The following GDF3 variants were observed in gnomAD, a reference collection of about 807,000 sequenced individuals.
GDF3 encodes the protein growth/differentiation factor 3.
GDF3 carries 10 observed loss-of-function variants against 10.2 expected under a neutral mutation model. That is an observed-to-expected ratio of 0.98 (90% CI 0.60 to 1.66). The LOEUF (loss-of-function observed/expected upper bound fraction) is 1.66. Among genes scored for constraint, GDF3 ranks in the 40% most tolerant of loss-of-function variants. The pLI is 0.00. For synonymous variants in GDF3, 166 were observed against 178.5 expected (o/e 0.93, Z 0.56); for missense variants, 450 against 438.3 (o/e 1.03, Z -0.24).
Position 7,695,703 on chromosome 12 carries a change from G to A in GDF3, c.26C>T (p.Ala9Val). 1 of 1,614,152 alleles carries A rather than the reference G, an allele frequency of 6.2e-7. No homozygotes were observed. Among genetic ancestry groups the A allele is most frequent in the Non-Finnish European group, 8.5e-7 (1 of 1,180,026 alleles). MLRFLPDL[A>V]FSFLLILALG... ...AGCCAGAATTAACAGGAAGCTGAAA[G>A]CCAAATCTGGCAAGAAACGAAGCAT... Residue 9 changes from alanine (A) to valine (V), a missense_variant, in exon 1 of 2, where the codon GCT becomes GTT. By Grantham distance (64) the Ala-to-Val change is moderately conservative. Coordinates refer to ENST00000329913, the MANE Select transcript of GDF3 (RefSeq NM_020634.3).
Position 7,690,264 on chromosome 12 carries a change from T to C in GDF3, c.709A>G (p.Thr237Ala), listed in dbSNP as rs934067367. The change falls in exon 2 of 2, where the codon ACT (threonine) becomes GCT (alanine). Residue 237 changes from threonine to alanine, a missense_variant. By Grantham distance (58) the Thr-to-Ala change is moderately conservative. Coordinates refer to ENST00000329913, the MANE Select transcript of GDF3 (RefSeq NM_020634.3). The part of the protein sequence containing the change: ...CSLHASLLVV[T>A]LNPDQCHPSR... ...GGGTGGCACTGATCAGGGTTGAGAG[T>C]CACCACCAGCAGGGAAGCATGAAGG... is the stretch of plus-strand genomic sequence containing the variant. The C allele has an allele frequency of 2.5e-6, 4 of 1,613,768 alleles. No individual in the cohort carries two copies. The highest frequency in any genetic ancestry group is 3.3e-5 in the Admixed American group (2 of 59,944).
chr12:7,690,803 G>A, intron 1 of GDF3, 99 bp from the exon 2 acceptor site: 1 of 736,878 alleles, frequency 1.4e-6, no homozygotes. Flanking sequence ...ACAATATAAG[G>A]GCAGGGAAAG....
chr12:7,690,705 C>T lies in GDF3; in HGVS notation c.269-1G>A. On this transcript the variant is annotated splice_acceptor_variant, in intron 1 of 1. Coordinates refer to ENST00000329913, the MANE Select transcript of GDF3 (RefSeq NM_020634.3). LOFTEE classifies it high-confidence loss of function. ...ATTTTCTTTGGGTAAAGAAAGAAAC[C>T]TAGATGGGAAAAGAGACATGTCAGA... 1.9e-6 allele frequency: 3 copies of T among 1,547,238 alleles called. No individual in the cohort carries two copies. Among genetic ancestry groups the T allele is most frequent in the African/African-American group, 1.4e-5 (1 of 73,674 alleles).
In GDF3 at chr12:7,689,971, C is replaced by G; in HGVS notation, c.1002G>C (p.Leu334=). Residue 334 remains leucine, a synonymous_variant, in exon 2 of 2, where the codon CTG becomes CTC. Transcript: ENST00000329913. ...CCTGGTAGAGCATGGAAATGGGAGA[C>G]AGCTTGGTGGGGATACACACAGCCT... The part of the protein sequence containing the change: ...IPQAVCIPTK[L]SPISMLYQDN... The G allele has an allele frequency of 6.2e-7, 1 of 1,613,864 alleles. No homozygotes were observed. The highest frequency in any genetic ancestry group is 8.5e-7 in the Non-Finnish European group (1 of 1,179,820).
chr12:7,690,510 C>T lies in GDF3; in HGVS notation c.463G>A (p.Val155Met), dbSNP rs749120756. 1 of 1,613,044 alleles carries T rather than the reference C, an allele frequency of 6.2e-7. No individual in the cohort carries two copies. Among genetic ancestry groups the T allele is most frequent in the East Asian group, 2.2e-5 (1 of 44,838 alleles). ...LALFLVQEPH[V>M]WGQTTPKPGK... ...GGCTTAGGGGTGGTCTGGCCCCACA[C>T]ATGAGGCTCCTGAACCAGGAACAGA... Residue 155 changes from valine to methionine, a missense_variant, in exon 2 of 2, where the codon GTG becomes ATG. Coordinates refer to ENST00000329913, the MANE Select transcript of GDF3 (RefSeq NM_020634.3).
At chr12:7,691,917 G>A (rs987027337) in intron 1 of GDF3, among the ~76,000 whole-genome samples, 13 of 151,936 alleles carry the variant, frequency 8.6e-5, no homozygotes, top group Admixed American at 3.3e-4. Flanking sequence ...TGAGGCAGGA[G>A]AATGGTGTGA....
chr12:7,690,157 G>C lies in GDF3; in HGVS notation c.816C>G (p.Asn272Lys), dbSNP rs1279864813. Reference protein sequence around the residue: ...NLCHRHQLFINFRDLGWHKWI... With the variant: ...NLCHRHQLFIKFRDLGWHKWI... ...ACTTGTGCCAACCCAGGTCCCGGAA[G>C]TTAATGAATAGCTGGTGACGGTGGC... The change falls in exon 2 of 2, where the codon AAC (asparagine) becomes AAG (lysine). Residue 272 changes from asparagine to lysine, a missense_variant. Asn to Lys is a moderately conservative substitution (Grantham distance 94). Transcript: ENST00000329913. The C allele has an allele frequency of 6.2e-7, 1 of 1,614,200 alleles. No homozygotes were observed. The highest frequency in any genetic ancestry group is 2.2e-5 in the East Asian group (1 of 44,878).
In GDF3 at chr12:7,689,921, C is replaced by T. The variant is rs373439841; in HGVS notation, c.1052G>A (p.Arg351Gln). The T allele has an allele frequency of 2.7e-5, 44 of 1,613,540 alleles. No individual in the cohort carries two copies. The highest frequency in any genetic ancestry group is 3.3e-5 in the Non-Finnish European group (39 of 1,179,626). The change falls in exon 2 of 2, where the codon CGA becomes CAA. Residue 351 changes from arginine to glutamine, a missense_variant. Physicochemically the swap from Arg to Gln is conservative, Grantham distance 43. Coordinates refer to ENST00000329913, the MANE Select transcript of GDF3 (RefSeq NM_020634.3). ...ATCGACTACCATGTCTTCATAATGTCGTAGAATGACATTGTCATTATTGTC... is the reference window on the plus strand; with the variant it reads ...ATCGACTACCATGTCTTCATAATGTTGTAGAATGACATTGTCATTATTGTC... Reference protein sequence around the residue: ...YQDNNDNVILRHYEDMVVDEC... With the variant: ...YQDNNDNVILQHYEDMVVDEC...
rs7976851 is a variant in GDF3 at position 7,690,882 on chromosome 12, C to T, written c.269-178G>A. Among the ~76,000 whole-genome samples, 131,225 of 151,788 alleles carry T rather than the reference C, an allele frequency of 0.86. 57,982 individuals are homozygous for T. The highest frequency in any genetic ancestry group is 0.98 in the Middle Eastern group (287 of 294). On this transcript the variant is annotated intron_variant, in intron 1 of 1. Coordinates refer to ENST00000329913, the MANE Select transcript of GDF3 (RefSeq NM_020634.3). ...AAAGCCAGAGGGTCCCCAGGTGCGG[C>T]GGCTCACGCCTGTAATCCCAGCACT...
At position 7,695,770 on chromosome 12, in the gene GDF3, C is replaced by T. The variant is rs1335063092; in HGVS notation, c.-42G>A. 3 of 1,609,174 alleles carry T rather than the reference C, an allele frequency of 1.9e-6. No individual in the cohort carries two copies. Among genetic ancestry groups the T allele is most frequent in the African/African-American group, 2.7e-5 (2 of 74,828 alleles). ...GTCAGACCGGGGAGAGCTCCACTGC[C>T]AGACTGCCCAACAATTCAGAGGCTG... is the stretch of plus-strand genomic sequence containing the variant. On this transcript the variant is annotated 5_prime_UTR_variant, in exon 1 of 2. Transcript: ENST00000329913.
chr12:7,690,087 C>G lies in GDF3; in HGVS notation c.886G>C (p.Glu296Gln), dbSNP rs760520873. The G allele has an allele frequency of 1.9e-6, 3 of 1,614,040 alleles. No homozygotes were observed. The South Asian group carries it at 3.3e-5, about 18-fold the overall frequency. Reference sequence around the variant, plus strand: ...GAGATGGTCAGTGAGAAGGGACACTCTCCATGGCAGTAATTTGCCATGAAC... The same window carrying G: ...GAGATGGTCAGTGAGAAGGGACACTGTCCATGGCAGTAATTTGCCATGAAC... Reference protein sequence around the residue: ...KGFMANYCHGECPFSLTISLN... With the variant: ...KGFMANYCHGQCPFSLTISLN... Residue 296 changes from glutamate (E) to glutamine (Q), a missense_variant, in exon 2 of 2, where the codon GAG becomes CAG. By Grantham distance (29) the Glu-to-Gln change is conservative. Transcript: ENST00000329913.
chr12:7,691,043 A>G lies in GDF3; in HGVS notation c.269-339T>C, dbSNP rs535545811. ...CGGGCGCCTGTAGTCCCAGCTACTCAGGAGGCTGAGGCAGGAGAATGGCGT... is the reference window on the plus strand; with the variant it reads ...CGGGCGCCTGTAGTCCCAGCTACTCGGGAGGCTGAGGCAGGAGAATGGCGT... On this transcript the variant is annotated intron_variant, in intron 1 of 1. Coordinates refer to ENST00000329913, the MANE Select transcript of GDF3 (RefSeq NM_020634.3). 1.7e-3 allele frequency among the ~76,000 whole-genome samples: 256 copies of G among 151,610 alleles called. 1 individual carries two copies. The highest frequency in any genetic ancestry group is 5.5e-3 in the African/African-American group (228 of 41,336).
Position 7,690,652 on chromosome 12 carries a change from C to T in GDF3, c.321G>A (p.Lys107=), listed in dbSNP as rs769740914. The change falls in exon 2 of 2, where the codon AAG becomes AAA. Residue 107 remains lysine (K), a synonymous_variant. Transcript: ENST00000329913. ...TGGCAGACAGGTTAAAGTAGAGGAG[C>T]TTCTGCAGGCAGGAGGAAGCTTGGG... ...KISQASSCLQ[K]LLYFNLSAIK... 1.9e-6 allele frequency: 3 copies of T among 1,612,984 alleles called. No individual in the cohort carries two copies. The South Asian group carries it at 3.3e-5, about 18-fold the overall frequency.
intron 1 of GDF3, among the ~76,000 whole-genome samples, chr12:7,693,425 G>A (rs552613795): frequency 3.4e-5 from 5 of 145,256 alleles, no homozygotes; most frequent in Admixed American, 6.9e-5. Flanking sequence ...TCAGGGGAGT[G>A]GGGGGAGGGC....
chr12:7,693,879 G>A (rs546060284), intron 1 of GDF3, among the ~76,000 whole-genome samples: 1 of 152,092 alleles, frequency 6.6e-6, no homozygotes, highest in Non-Finnish European at 1.5e-5. Context: ...CTTGAGCCCA[G>A]GAGGTGGAGG....
Position 7,690,459 on chromosome 12 carries a change from C to T in GDF3, c.514G>A (p.Val172Ile). The change falls in exon 2 of 2, where the codon GTC (valine) becomes ATC (isoleucine). Residue 172 changes from valine to isoleucine, a missense_variant. Coordinates refer to ENST00000329913, the MANE Select transcript of GDF3 (RefSeq NM_020634.3). Reference protein sequence around the residue: ...KPGKMFVLRSVPWPQGAVHFN... With the variant: ...KPGKMFVLRSIPWPQGAVHFN... ...TGAACAGCACCTTGTGGCCATGGGA[C>T]TGACCGCAACACAAACATTTTACCT... The T allele has an allele frequency of 3.1e-6, 5 of 1,614,042 alleles. No homozygotes were observed. The highest frequency in any genetic ancestry group is 4.2e-6 in the Non-Finnish European group (5 of 1,179,934).
intron 1 of GDF3, among the ~76,000 whole-genome samples, chr12:7,691,805 A>T (rs1864133443): frequency 7.1e-6 from 1 of 140,504 alleles, no homozygotes; most frequent in South Asian, 2.3e-4. Context: ...GAGGAGATCG[A>T]GACCATCCTG....
intron 1 of GDF3, 146 bp downstream of exon 1, chr12:7,695,315 C>T: frequency 1.2e-6 from 1 of 842,694 alleles, no homozygotes; most frequent in Admixed American, 1.9e-5. Flanking sequence ...CTAACTTCCT[C>T]TCAGGATCGT....
At chr12:7,694,928 A>C (rs1864166261) in intron 1 of GDF3, among the ~76,000 whole-genome samples, 1 of 152,170 alleles carries the variant, frequency 6.6e-6, no homozygotes, top group African/African-American at 2.4e-5. Flanking sequence ...TTTTAAAAGG[A>C]TATGACAGTT....
Sources: gnomAD v4.1 joint callset for allele counts (sites outside exome capture counted in the v4.1 genomes callset) on GRCh38, gnomAD v4.1.1 for gene constraint, MANE v1.5 for transcripts, NCBI Gene and HGNC (gene_info 2026-07-23, HGNC 2026-07-21) for gene names.